MMS22L: variants seen among roughly 807,000 people sequenced by gnomAD.
The protein encoded by MMS22L is protein MMS22-like.
MMS22L carries 74 observed loss-of-function variants against 159.1 expected under a neutral mutation model. The ratio of observed to expected loss-of-function variants is 0.47; its 90% CI spans 0.39 to 0.56. The LOEUF is 0.56. Ranked by LOEUF, MMS22L falls within the 20% of genes least tolerant of loss-of-function variation. The probability of loss-of-function intolerance (pLI) is 0.00; values close to 1 mark genes in which losing one functional copy is unlikely to be tolerated. For synonymous variants in MMS22L, 517 were observed against 506.9 expected (o/e 1.02, Z -0.27); for missense variants, 1,351 against 1,422.1 (o/e 0.95, Z 0.80).
intron 7 of MMS22L, among the ~76,000 whole-genome samples, chr6:97,269,231 A>G (rs186404378): frequency 6.6e-6 from 1 of 152,268 alleles, no homozygotes; most frequent in East Asian, 1.9e-4. Context: ...TTCACATGTT[A>G]GCTGGCAAAA....
Position 97,179,489 on chromosome 6 carries a change from G to A in MMS22L, c.2455C>T (p.Arg819Cys), listed in dbSNP as rs751871617. The change falls in exon 17 of 25, where the codon CGT becomes TGT. Residue 819 changes from arginine (R) to cysteine (C), a missense_variant. Transcript: ENST00000683635. ...FQALTVRSWI[R>C]CVLQMYIKNL... ...TTAATATACATTTGCAAAACACAAC[G>A]AATCCATGATCTTACGGTTAAGGCT... 16 of 1,613,332 alleles carry A rather than the reference G, an allele frequency of 9.9e-6. No homozygotes were observed. The highest frequency in any genetic ancestry group is 1.3e-5 in the Non-Finnish European group (15 of 1,179,642).
chr6:97,236,382 G>A (rs1405533703), intron 11 of MMS22L, among the ~76,000 whole-genome samples: 2 of 150,146 alleles, frequency 1.3e-5, no homozygotes, highest in African/African-American at 4.9e-5. Context: ...ATTTTGGAGA[G>A]CAGAAAAGCA....
intron 11 of MMS22L, among the ~76,000 whole-genome samples, chr6:97,239,009 GCCTA>G (rs1184107078): frequency 6.8e-6 from 1 of 147,598 alleles, no homozygotes; most frequent in Non-Finnish European, 1.5e-5. Context: ...TGCATAACTA[GCCTA>G]CCTATCAGAA....
chr6:97,276,151 T>C (rs545261087), intron 4 of MMS22L, among the ~76,000 whole-genome samples: 1 of 152,240 alleles, frequency 6.6e-6, no homozygotes, highest in Non-Finnish European at 1.5e-5. Flanking sequence ...AGTAAGTAAC[T>C]ACATAGGGAC....
intron 20 of MMS22L, among the ~76,000 whole-genome samples, chr6:97,166,670 C>G (rs1009806863): frequency 6.6e-6 from 1 of 152,118 alleles, no homozygotes; most frequent in African/African-American, 2.4e-5. Context: ...AAAGACATAG[C>G]TCCAGTTCTA....
At chr6:97,233,284 A>T (rs1253948140) in intron 12 of MMS22L, among the ~76,000 whole-genome samples, 2 of 152,074 alleles carry the variant, frequency 1.3e-5, no homozygotes, top group Non-Finnish European at 2.9e-5. Flanking sequence ...ATGCTTTTTC[A>T]TACCTCCATG....
intron 11 of MMS22L, among the ~76,000 whole-genome samples, chr6:97,244,743 A>C (rs1246255137): frequency 6.6e-6 from 1 of 151,772 alleles, no homozygotes; most frequent in Non-Finnish European, 1.5e-5. Context: ...GTGAGTTAAT[A>C]CTCCTTAATA....
intron 22 of MMS22L, among the ~76,000 whole-genome samples, chr6:97,152,670 G>T (rs1370976782): frequency 1.3e-5 from 2 of 152,098 alleles, no homozygotes; most frequent in African/African-American, 4.8e-5. Flanking sequence ...ATATTAGGTA[G>T]TAGAGAATGT....
At chr6:97,264,855 T>C (rs932309413) in intron 8 of MMS22L, 12 of 151,966 alleles carry the variant, frequency 7.9e-5, no homozygotes, top group African/African-American at 2.9e-4. Context: ...AAAAGGCCTA[T>C]ACACTGAAAA....
intron 14 of MMS22L, among the ~76,000 whole-genome samples, chr6:97,225,448 T>C (rs1026167154): frequency 2.6e-5 from 4 of 152,082 alleles, no homozygotes; most frequent in African/African-American, 9.7e-5. Flanking sequence ...CCTCCCGGGT[T>C]CAAGCAATTG....
chr6:97,246,007 C>T, intron 11 of MMS22L: 6 of 236,144 alleles, frequency 2.5e-5, no homozygotes, highest in East Asian at 1.2e-4. Flanking sequence ...TATAATTCTC[C>T]ATAAACTCTT....
chr6:97,187,697 T>C lies in MMS22L; in HGVS notation c.2040-1007A>G, dbSNP rs144641112. 2.7e-3 allele frequency among the ~76,000 whole-genome samples: 407 copies of C among 152,236 alleles called. 1 individual carries two copies. The highest frequency in any genetic ancestry group is 4.7e-3 in the Non-Finnish European group (320 of 67,986). ...ATAATTAAGTACTTTAAAAAAGATGTTTGATGTTTTTAAACAGTTTAGGGG... is the reference window on the plus strand; with the variant it reads ...ATAATTAAGTACTTTAAAAAAGATGCTTGATGTTTTTAAACAGTTTAGGGG... On this transcript the variant is annotated intron_variant, in intron 14 of 24. Transcript: ENST00000683635.
chr6:97,183,883 C>T (rs1356663956), intron 15 of MMS22L, among the ~76,000 whole-genome samples: 1 of 152,104 alleles, frequency 6.6e-6, no homozygotes, highest in East Asian at 1.9e-4. Flanking sequence ...GAAATGTCTC[C>T]CATGTTATTT....
chr6:97,245,971 TTCC>T (rs1812597679), intron 11 of MMS22L: 1 of 244,302 alleles, frequency 4.1e-6, no homozygotes, highest in African/African-American at 2.3e-5. Context: ...AGAAAAATAT[TTCC>T]CAAATTCCAA....
intron 11 of MMS22L, among the ~76,000 whole-genome samples, chr6:97,235,103 A>G (rs899162956): frequency 2.0e-5 from 3 of 152,172 alleles, no homozygotes; most frequent in African/African-American, 7.2e-5. Flanking sequence ...ATAAAGAGTG[A>G]ATAGAGGGGT....
intron 10 of MMS22L, among the ~76,000 whole-genome samples, chr6:97,253,217 AC>A (rs756182586): frequency 1.3e-5 from 2 of 151,984 alleles, no homozygotes; most frequent in Non-Finnish European, 2.9e-5. Flanking sequence ...ACTTTTTGAG[AC>A]CCTTTCCATT....
rs1330909681 is a variant in MMS22L, at chr6:97,182,033, T to C, written c.2255A>G (p.Asp752Gly). ...AAADFTLLAM[D>G]MPSTAPSDFQ... ...ATCTGATGGAGCTGTGCTTGGCATG[T>C]CCATTGCTAGCAAAGTAAAGTCTAG... The change falls in exon 16 of 25, where the codon GAC becomes GGC. Residue 752 changes from aspartate (D) to glycine (G), a missense_variant. Physicochemically the swap from Asp to Gly is moderately conservative, Grantham distance 94. Transcript: ENST00000683635. 6.2e-7 allele frequency: 1 copy of C among 1,610,526 alleles called. No individual in the cohort carries two copies. The highest frequency in any genetic ancestry group is 8.5e-7 in the Non-Finnish European group (1 of 1,178,934).
At chr6:97,178,608 G>A (rs1804363558) in intron 17 of MMS22L, 23 bp from the exon 18 acceptor site, 1 of 1,308,434 alleles carries the variant, frequency 7.6e-7, no homozygotes, top group African/African-American at 1.5e-5. Flanking sequence ...AATAGTATTT[G>A]TTATATCAAT....
At chr6:97,263,187 G>A in intron 9 of MMS22L, 148 bp downstream of exon 9, 1 of 520,878 alleles carries the variant, frequency 1.9e-6, no homozygotes, top group Non-Finnish European at 3.3e-6. Flanking sequence ...AAATAAAGTA[G>A]ATATTCAGTA....
Sources: gnomAD v4.1 joint callset for allele counts (sites outside exome capture counted in the v4.1 genomes callset) on GRCh38, gnomAD v4.1.1 for gene constraint, MANE v1.5 for transcripts, NCBI Gene and HGNC (gene_info 2026-07-23, HGNC 2026-07-21) for gene names.